Variants in TFDP2 observed in about 807,000 individuals in gnomAD.
TFDP2 encodes transcription factor Dp-2.
In TFDP2, 17 loss-of-function variants were observed where a neutral mutation model predicts 59.3. The ratio of observed to expected loss-of-function variants is 0.29; its 90% CI spans 0.20 to 0.43. The LOEUF is 0.43. Ranked by LOEUF, TFDP2 falls within the 20% of genes least tolerant of loss-of-function variation. TFDP2 has a pLI of 1.00. For synonymous variants in TFDP2, 180 were observed against 194.7 expected (o/e 0.92, Z 0.63); for missense variants, 391 against 528.8 (o/e 0.74, Z 2.56).
intron 1 of TFDP2, among the ~76,000 whole-genome samples, chr3:142,105,578 T>G (rs1490620824): frequency 3.3e-5 from 5 of 152,160 alleles, no homozygotes; most frequent in Non-Finnish European, 4.4e-5. Context: ...TCCTAAGGGC[T>G]GGGCTAATGA....
At chr3:142,137,133 C>G (rs998439681) in intron 1 of TFDP2, among the ~76,000 whole-genome samples, 1 of 150,888 alleles carries the variant, frequency 6.6e-6, no homozygotes, top group Non-Finnish European at 1.5e-5. Flanking sequence ...AGGTATTTTA[C>G]TCTCTTTGTA....
intron 1 of TFDP2, among the ~76,000 whole-genome samples, chr3:142,133,912 A>G (rs2062610949): frequency 6.6e-6 from 1 of 151,852 alleles, no homozygotes; most frequent in Non-Finnish European, 1.5e-5. Flanking sequence ...AATTGAGGGC[A>G]GGGCACGGTG....
rs563714270 is a variant in TFDP2 at position 141,947,552 on chromosome 3, C to A, written c.*4961G>T. The A allele has an allele frequency of 6.6e-6, 1 of 152,086 alleles. No individual in the cohort carries two copies. The highest frequency in any genetic ancestry group is 2.4e-5 in the African/African-American group (1 of 41,398). 9.4% of individuals were successfully genotyped at this position (152,086 alleles called of 1,614,324 possible). On this transcript the variant is annotated 3_prime_UTR_variant, in exon 13 of 13. Transcript: ENST00000489671. ...GCCTCAGCCTCCCGAGTAGCTGGGA[C>A]TACAGGCATGTGCCACCACGCCCGG...
At position 141,952,675 on chromosome 3, in the gene TFDP2, C is replaced by A. The variant is rs868661792; in HGVS notation, c.1179G>T (p.Leu393Phe). 1.9e-6 allele frequency: 3 copies of A among 1,609,828 alleles called. No homozygotes were observed. In the African/African-American group the frequency reaches 4.0e-5, roughly 22 times the overall value. The change falls in exon 13 of 13, where the codon TTG becomes TTT. Residue 393 changes from leucine to phenylalanine, a missense_variant. By Grantham distance (22) the Leu-to-Phe change is conservative. Around this residue, in one of 3 missense-constraint regions of TFDP2, gnomAD observed 223 missense variants for 292.5 expected, o/e 0.76. Coordinates refer to ENST00000489671, the MANE Select transcript of TFDP2 (RefSeq NM_001178139.2). Reference protein sequence around the residue: ...PQSSVNQGLCLDAEVALATGQ... With the variant: ...PQSSVNQGLCFDAEVALATGQ... ...CAGTTGCTAAGGCCACTTCTGCATC[C>A]AAGCATAACCCTTGGTTTACACTAG...
At chr3:142,033,403 A>AT (rs1385838004) in intron 3 of TFDP2, among the ~76,000 whole-genome samples, 1 of 152,068 alleles carries the variant, frequency 6.6e-6, no homozygotes, top group African/African-American at 2.4e-5. Flanking sequence ...AGTAATCCAA[A>AT]TTTTTTTCAA....
intron 4 of TFDP2, among the ~76,000 whole-genome samples, chr3:142,000,862 C>T (rs1047227722): frequency 2.6e-5 from 4 of 152,200 alleles, no homozygotes; most frequent in African/African-American, 7.2e-5. Flanking sequence ...GAATAATCTT[C>T]GACTTGATAT....
At chr3:142,091,024 A>G (rs2060978697) in intron 3 of TFDP2, among the ~76,000 whole-genome samples, 1 of 151,962 alleles carries the variant, frequency 6.6e-6, no homozygotes, top group African/African-American at 2.4e-5. Flanking sequence ...CCTGATTACT[A>G]CGTTTTATTA....
intron 3 of TFDP2, among the ~76,000 whole-genome samples, chr3:142,054,303 T>C (rs150499286): frequency 1.4e-4 from 21 of 152,266 alleles, no homozygotes; most frequent in Admixed American, 5.2e-4. Flanking sequence ...TAGAATACTA[T>C]TCAGTAATAG....
rs533468651 is a variant in TFDP2, at chr3:142,046,085, C to T, written c.83-40541G>A. 1.1e-4 allele frequency among the ~76,000 whole-genome samples: 16 copies of T among 152,254 alleles called. No individual in the cohort carries two copies. The South Asian group carries it at 3.1e-3, about 30-fold the overall frequency. ...TGCTCATCAATTCAGTTTGTCATGA[C>T]TTAAAGTCAATTTGTGGATCTAATG... is the stretch of plus-strand genomic sequence containing the variant. On this transcript the variant is annotated intron_variant, in intron 3 of 12. Transcript: ENST00000489671.
At chr3:142,091,210 A>G (rs188673026) in intron 3 of TFDP2, among the ~76,000 whole-genome samples, 7 of 152,176 alleles carry the variant, frequency 4.6e-5, no homozygotes, top group Admixed American at 2.6e-4. Context: ...AAATGTTATC[A>G]TTTTCTATGA....
intron 3 of TFDP2, among the ~76,000 whole-genome samples, chr3:142,074,583 G>A (rs1427542421): frequency 6.6e-6 from 1 of 152,030 alleles, no homozygotes; most frequent in South Asian, 2.1e-4. Context: ...CAGGTATGGT[G>A]GCTCACACCT....
At chr3:142,056,527 T>G (rs1026706448) in intron 3 of TFDP2, among the ~76,000 whole-genome samples, 8 of 152,110 alleles carry the variant, frequency 5.3e-5, no homozygotes, top group Non-Finnish European at 1.0e-4. Flanking sequence ...AGATGAACAA[T>G]GAATAATTTT....
intron 5 of TFDP2, 90 bp from the exon 6 acceptor site, chr3:141,993,675 T>C (rs897101357): frequency 6.5e-5 from 44 of 676,774 alleles, no homozygotes; most frequent in Non-Finnish European, 7.9e-5. Context: ...TCTAAAATTA[T>C]ACACTGAATA....
chr3:142,032,067 C>T (rs545863440), intron 3 of TFDP2, among the ~76,000 whole-genome samples: 9 of 152,140 alleles, frequency 5.9e-5, no homozygotes, highest in South Asian at 2.1e-4. Context: ...GCTGCTCTTC[C>T]TCTTTCCACT....
chr3:142,127,811 A>T (rs1169414102), intron 1 of TFDP2, among the ~76,000 whole-genome samples: 1 of 152,190 alleles, frequency 6.6e-6, no homozygotes, highest in Non-Finnish European at 1.5e-5. Flanking sequence ...AGGCTTAAGA[A>T]TTGAAGCCAT....
At chr3:142,122,073 C>T (rs913876766) in intron 1 of TFDP2, among the ~76,000 whole-genome samples, 1 of 152,138 alleles carries the variant, frequency 6.6e-6, no homozygotes, top group South Asian at 2.1e-4. Context: ...AGGAAGTCAG[C>T]ATAAAGGATC....
intron 3 of TFDP2, among the ~76,000 whole-genome samples, chr3:142,032,977 C>T (rs890132472): frequency 4.6e-5 from 7 of 152,070 alleles, no homozygotes; most frequent in African/African-American, 1.7e-4. Flanking sequence ...GGGTGGATCA[C>T]CTGAGGTCAG....
chr3:142,061,710 G>C (rs2059916705), intron 3 of TFDP2, among the ~76,000 whole-genome samples: 1 of 152,028 alleles, frequency 6.6e-6, no homozygotes, highest in African/African-American at 2.4e-5. Context: ...CAGCCCTTCA[G>C]ACTTGAGCTG....
intron 2 of TFDP2, among the ~76,000 whole-genome samples, chr3:142,096,744 A>G (rs1296776198): frequency 6.6e-6 from 1 of 152,328 alleles, no homozygotes; most frequent in East Asian, 1.9e-4. Flanking sequence ...TCTGACTGAC[A>G]TAACATTACT....
Sources: allele counts gnomAD v4.1 joint callset (sites outside exome capture counted in the v4.1 genomes callset), GRCh38; gene constraint gnomAD v4.1.1; regional missense constraint gnomAD v4.1.1; transcripts MANE v1.5; gene names NCBI Gene and HGNC (gene_info 2026-07-23, HGNC 2026-07-21).